Variants in HUNK observed in about 807,000 individuals in gnomAD.
The protein encoded by HUNK is hormonally up-regulated neu tumor-associated kinase.
Under a neutral mutation model 61.0 loss-of-function variants are expected in HUNK, and 21 were observed. That is an observed-to-expected ratio of 0.34 (90% CI 0.24 to 0.50). The LOEUF is 0.50. HUNK is among the 20% of genes least tolerant of loss of function. The pLI is 0.98. For synonymous variants in HUNK, 371 were observed against 386.1 expected, an observed-to-expected ratio of 0.96 and a Z score of 0.46; for missense variants, 772 against 945.7, an observed-to-expected ratio of 0.82 and a Z score of 2.41.
intron 6 of HUNK, among the ~76,000 whole-genome samples, chr21:31,968,753 T>TGTGA (rs1292780745): frequency 1.2e-4 from 14 of 115,644 alleles, no homozygotes; most frequent in Admixed American, 2.4e-4. Flanking sequence ...TGTGTGTGTG[T>TGTGA]GAGAGAGAGA....
chr21:31,884,599 AAAAT>A (rs1568915889), intron 1 of HUNK, among the ~76,000 whole-genome samples: 1 of 150,748 alleles, frequency 6.6e-6, no homozygotes. Context: ...TCTCAAAAAA[AAAAT>A]AAATAAATAA....
At position 32,001,854 on chromosome 21, in the gene HUNK, A is replaced by G. The variant is rs2053248568; in HGVS notation, c.*2670A>G. ...TTCCAGTCACCCTGTAGTTACTGAC[A>G]GAAATTGACTGGACTGTCATTGTGT... is the stretch of plus-strand genomic sequence containing the variant. On this transcript the variant is annotated 3_prime_UTR_variant, in exon 11 of 11. Transcript: ENST00000270112. 6.6e-6 allele frequency: 1 copy of G among 152,644 alleles called. No individual in the cohort carries two copies. Among genetic ancestry groups the G allele is most frequent in the Non-Finnish European group, 1.5e-5 (1 of 68,034 alleles). The allele number at this position is 152,644 out of a possible 1,614,324, so 9.5% of individuals were successfully genotyped here. A position where few individuals can be genotyped will look rare whatever the true frequency, so the allele number is the denominator to read the frequency against.
rs1182317354 is a variant in HUNK, at chr21:31,911,978, G to T, written c.262-12490G>T. 2.0e-5 allele frequency among the ~76,000 whole-genome samples: 3 copies of T among 152,166 alleles called. No individual in the cohort carries two copies. In the East Asian group the frequency reaches 5.8e-4, roughly 29 times the overall value. On this transcript the variant is annotated intron_variant, in intron 1 of 10. Coordinates refer to ENST00000270112, the MANE Select transcript of HUNK (RefSeq NM_014586.2). Reference sequence around the variant, plus strand: ...GCGCGGATCCTAAATTTCTGTTTCTGTTGGGACTTTCCCAGAGCTGCTCGG... The same window carrying T: ...GCGCGGATCCTAAATTTCTGTTTCTTTTGGGACTTTCCCAGAGCTGCTCGG...
chr21:32,000,530 C>T lies in HUNK; in HGVS notation c.*1346C>T. 2 of 399,208 alleles carry T rather than the reference C, an allele frequency of 5.0e-6. No homozygotes were observed. The highest frequency in any genetic ancestry group is 8.8e-6 in the Non-Finnish European group (2 of 226,198). 24.7% of individuals were successfully genotyped at this position (399,208 alleles called of 1,614,324 possible). A position where few individuals can be genotyped will look rare whatever the true frequency, so the allele number is the denominator to read the frequency against. ...GGTGAGAAGAATCAGAAAAAGAAGACCCATCAGCACAGGTTGGATAGGGGT... is the reference window on the plus strand; with the variant it reads ...GGTGAGAAGAATCAGAAAAAGAAGATCCATCAGCACAGGTTGGATAGGGGT... On this transcript the variant is annotated 3_prime_UTR_variant, in exon 11 of 11. Transcript: ENST00000270112.
At chr21:31,891,892 G>C in intron 1 of HUNK, among the ~76,000 whole-genome samples, 1 of 152,100 alleles carries the variant, frequency 6.6e-6, no homozygotes, top group Non-Finnish European at 1.5e-5. Context: ...GTGTTTCATA[G>C]TTGTCTGCAG....
At chr21:31,899,040 C>T (rs1240351562) in intron 1 of HUNK, among the ~76,000 whole-genome samples, 2 of 151,954 alleles carry the variant, frequency 1.3e-5, no homozygotes, top group Non-Finnish European at 2.9e-5. Flanking sequence ...TTCCCTTGTT[C>T]TCGGTAGGTT....
In HUNK at chr21:31,976,839, C is replaced by G. The variant is rs551915993; in HGVS notation, c.1173+2122C>G. Among the ~76,000 whole-genome samples, 85 of 151,176 alleles carry G rather than the reference C, an allele frequency of 5.6e-4. 1 individual carries two copies. In the South Asian group the frequency reaches 9.4e-3, roughly 17 times the overall value. Reference sequence around the variant, plus strand: ...AGGCTAGAGTGCAGTGGCATGATCTCGGCTCACTGCAACATCTGCTTCCTG... The same window carrying G: ...AGGCTAGAGTGCAGTGGCATGATCTGGGCTCACTGCAACATCTGCTTCCTG... On this transcript the variant is annotated intron_variant, in intron 7 of 10. Coordinates refer to ENST00000270112, the MANE Select transcript of HUNK (RefSeq NM_014586.2).
Position 31,958,898 on chromosome 21 carries a change from T to C in HUNK, c.802T>C (p.Phe268Leu). Residue 268 changes from phenylalanine to leucine, a missense_variant, in exon 5 of 11, where the codon TTC (phenylalanine) becomes CTC (leucine). Physicochemically the swap from Phe to Leu is conservative, Grantham distance 22. Coordinates refer to ENST00000270112, the MANE Select transcript of HUNK (RefSeq NM_014586.2). Reference protein sequence around the residue: ...TGTLPFTVEPFSLRALYQKMV... With the variant: ...TGTLPFTVEPLSLRALYQKMV... Reference sequence around the variant, plus strand: ...GACGCTGCCTTTCACGGTGGAGCCTTTCAGCCTGAGGGCTTTGTACCAGAA... The same window carrying C: ...GACGCTGCCTTTCACGGTGGAGCCTCTCAGCCTGAGGGCTTTGTACCAGAA... 1 of 1,611,296 alleles carries C rather than the reference T, an allele frequency of 6.2e-7. No individual in the cohort carries two copies. Among genetic ancestry groups the C allele is most frequent in the Non-Finnish European group, 8.5e-7 (1 of 1,179,108 alleles).
intron 7 of HUNK, among the ~76,000 whole-genome samples, chr21:31,982,799 T>A (rs1568941073): frequency 1.3e-5 from 2 of 151,974 alleles, no homozygotes; most frequent in Admixed American, 6.6e-5. Flanking sequence ...GTTTTTTGTT[T>A]ATTTTTATTT....
intron 1 of HUNK, among the ~76,000 whole-genome samples, chr21:31,893,706 A>C (rs1172067921): frequency 6.6e-6 from 1 of 152,242 alleles, no homozygotes; most frequent in African/African-American, 2.4e-5. Context: ...AGATGATTCT[A>C]CACGAGTTAC....
chr21:31,928,339 C>G (rs1016822842), intron 2 of HUNK, among the ~76,000 whole-genome samples: 2 of 152,168 alleles, frequency 1.3e-5, no homozygotes, highest in Admixed American at 6.5e-5. Flanking sequence ...GTGCACTGGC[C>G]TCTCCTGCAG....
intron 2 of HUNK, among the ~76,000 whole-genome samples, chr21:31,925,542 GA>G (rs1294319239): frequency 1.3e-5 from 2 of 152,226 alleles, no homozygotes; most frequent in Non-Finnish European, 2.9e-5. Context: ...ACACATAGTA[GA>G]CACTCAATAG....
At chr21:31,939,200 C>T (rs1239289614) in intron 2 of HUNK, among the ~76,000 whole-genome samples, 1 of 152,072 alleles carries the variant, frequency 6.6e-6, no homozygotes, top group Non-Finnish European at 1.5e-5. Flanking sequence ...ACTTAATTCC[C>T]TTGAGCTCTG....
chr21:31,953,582 T>C (rs1179633687), intron 4 of HUNK, among the ~76,000 whole-genome samples: 7 of 152,192 alleles, frequency 4.6e-5, no homozygotes, highest in African/African-American at 1.7e-4. Flanking sequence ...ACTGTAGCTT[T>C]TTCCCTCTTA....
chr21:31,914,192 G>C (rs1006821913), intron 1 of HUNK, among the ~76,000 whole-genome samples: 1 of 152,022 alleles, frequency 6.6e-6, no homozygotes, highest in Non-Finnish European at 1.5e-5. Flanking sequence ...CGGATCACCT[G>C]TGGTCAGGAG....
At chr21:31,897,299 A>G (rs1409639407) in intron 1 of HUNK, among the ~76,000 whole-genome samples, 3 of 152,214 alleles carry the variant, frequency 2.0e-5, no homozygotes, top group Non-Finnish European at 4.4e-5. Flanking sequence ...GTGTGGCTTC[A>G]ACAATGGAAA....
chr21:31,912,094 G>A (rs2052549992), intron 1 of HUNK, among the ~76,000 whole-genome samples: 1 of 152,150 alleles, frequency 6.6e-6, no homozygotes, highest in Non-Finnish European at 1.5e-5. Context: ...AAACACCTGG[G>A]ATTGGGGTTG....
intron 7 of HUNK, among the ~76,000 whole-genome samples, chr21:31,979,673 A>G (rs996163909): frequency 2.7e-5 from 4 of 148,142 alleles, no homozygotes; most frequent in Non-Finnish European, 6.0e-5. Flanking sequence ...CTGCCACCTC[A>G]CCTGGCTAAT....
At chr21:31,980,988 G>A (rs1363382133) in intron 7 of HUNK, among the ~76,000 whole-genome samples, 2 of 152,224 alleles carry the variant, frequency 1.3e-5, no homozygotes, top group Non-Finnish European at 2.9e-5. Context: ...ACAGGCATGA[G>A]CCACTGTGGC....
Sources: allele counts gnomAD v4.1 joint callset (sites outside exome capture counted in the v4.1 genomes callset), GRCh38; gene constraint gnomAD v4.1.1; transcripts MANE v1.5; gene names NCBI Gene and HGNC (gene_info 2026-07-23, HGNC 2026-07-21).